Variants in DSCAM observed in about 807,000 individuals in gnomAD.
The protein encoded by DSCAM is cell adhesion molecule DSCAM.
DSCAM carries 47 observed loss-of-function variants against 217.7 expected under a neutral mutation model. That is an observed-to-expected ratio of 0.22 (90% CI 0.17 to 0.28). DSCAM has a LOEUF of 0.28. Among genes scored for constraint, DSCAM ranks in the 10% least tolerant of loss-of-function variants. The pLI, the probability that DSCAM is intolerant of heterozygous loss-of-function variation, is 1.00. For synonymous variants in DSCAM, 1,056 were observed against 1,015.3 expected (o/e 1.04, Z -0.76); for missense variants, 2,080 against 2,618.3 (o/e 0.79, Z 4.49).
chr21:40,038,207 A>C (rs1446210959), intron 32 of DSCAM, among the ~76,000 whole-genome samples: 1 of 135,602 alleles, frequency 7.4e-6, no homozygotes, highest in Non-Finnish European at 1.6e-5. Flanking sequence ...CAGCAAAAGA[A>C]ACTACCATCA....
At chr21:40,348,307 A>G (rs2074585911) in intron 5 of DSCAM, among the ~76,000 whole-genome samples, 2 of 144,318 alleles carry the variant, frequency 1.4e-5, no homozygotes, top group Non-Finnish European at 3.1e-5. Context: ...CCTATCAGCC[A>G]CATTATTGCA....
chr21:40,200,729 T>C (rs1254352766), intron 11 of DSCAM, among the ~76,000 whole-genome samples: 2 of 152,220 alleles, frequency 1.3e-5, no homozygotes, highest in African/African-American at 2.4e-5. Flanking sequence ...TCTCTGCCTC[T>C]CAGTTTCATC....
intron 10 of DSCAM, among the ~76,000 whole-genome samples, chr21:40,282,719 C>T (rs1404042348): frequency 6.6e-6 from 1 of 150,746 alleles, no homozygotes; most frequent in Non-Finnish European, 1.5e-5. Flanking sequence ...ACATGAATAT[C>T]CATGTCAACA....
chr21:40,339,230 C>T lies in DSCAM; in HGVS notation c.1396G>A (p.Val466Ile), dbSNP rs1385609009. ...GAGCTGGAGATGTTCAGGTAGCTGA[C>T]CACGTTCCCCTCCGACGTGATCATC... ...SQMITSEGNV[V>I]SYLNISSSQV... The change falls in exon 7 of 33, where the codon GTC (valine) becomes ATC (isoleucine). Residue 466 changes from valine (V) to isoleucine (I), a missense_variant. By Grantham distance (29) the Val-to-Ile change is conservative (BLOSUM62 3). Around this residue, in one of 5 missense-constraint regions of DSCAM, gnomAD observed 568 missense variants for 678.1 expected, o/e 0.84. Transcript: ENST00000400454. 6.2e-7 allele frequency: 1 copy of T among 1,614,190 alleles called. No homozygotes were observed. Among genetic ancestry groups the T allele is most frequent in the South Asian group, 1.1e-5 (1 of 91,080 alleles).
intron 22 of DSCAM, among the ~76,000 whole-genome samples, chr21:40,086,951 G>A (rs779866545): frequency 5.9e-5 from 9 of 152,138 alleles, no homozygotes; most frequent in Non-Finnish European, 7.4e-5. Context: ...TGAACTAGAA[G>A]GCTCTGAATT....
At chr21:40,452,393 G>C (rs1336023807) in intron 3 of DSCAM, among the ~76,000 whole-genome samples, 1 of 151,992 alleles carries the variant, frequency 6.6e-6, no homozygotes, top group East Asian at 1.9e-4. Flanking sequence ...TTCAGGAAAC[G>C]TGTGCATCGG....
chr21:40,040,506 A>G (rs1231614804), intron 32 of DSCAM, among the ~76,000 whole-genome samples: 4 of 152,236 alleles, frequency 2.6e-5, no homozygotes, highest in Non-Finnish European at 4.4e-5. Context: ...CTCAGGTGGA[A>G]ACATAAAGTA....
intron 1 of DSCAM, among the ~76,000 whole-genome samples, chr21:40,821,990 G>A (rs1219119153): frequency 1.3e-5 from 2 of 150,794 alleles, no homozygotes; most frequent in African/African-American, 4.9e-5. Flanking sequence ...TAACAAATCT[G>A]CGCATGTATC....
At chr21:40,577,178 C>A (rs929789157) in intron 3 of DSCAM, among the ~76,000 whole-genome samples, 1 of 149,882 alleles carries the variant, frequency 6.7e-6, no homozygotes, top group Non-Finnish European at 1.5e-5. Context: ...ATTATATATT[C>A]ATTCACCATC....
intron 30 of DSCAM, among the ~76,000 whole-genome samples, chr21:40,050,626 G>A (rs1379643659): frequency 2.0e-5 from 3 of 152,082 alleles, no homozygotes; most frequent in Admixed American, 2.0e-4. Flanking sequence ...GGGACTACAG[G>A]TGCCCGCCAC....
At chr21:40,253,188 G>A (rs555248246) in intron 11 of DSCAM, among the ~76,000 whole-genome samples, 1 of 152,232 alleles carries the variant, frequency 6.6e-6, no homozygotes, top group East Asian at 1.9e-4. Flanking sequence ...CACAGTGAGG[G>A]AATTCTGTAG....
chr21:40,284,819 C>T (rs750090655), intron 10 of DSCAM, among the ~76,000 whole-genome samples: 3 of 152,182 alleles, frequency 2.0e-5, no homozygotes, highest in Non-Finnish European at 2.9e-5. Context: ...GGTGTGACAC[C>T]GTCCAGGTTA....
At chr21:40,395,813 T>C (rs1047089553) in intron 3 of DSCAM, among the ~76,000 whole-genome samples, 9 of 152,308 alleles carry the variant, frequency 5.9e-5, no homozygotes, top group Non-Finnish European at 7.4e-5. Flanking sequence ...AGGGAATGGA[T>C]TGGGGAGAAA....
At chr21:40,782,563 A>G (rs994897538) in intron 1 of DSCAM, among the ~76,000 whole-genome samples, 3 of 152,096 alleles carry the variant, frequency 2.0e-5, no homozygotes, top group African/African-American at 7.2e-5. Flanking sequence ...TCCCATCTCT[A>G]CAAAGAATGC....
chr21:40,694,686 C>A (rs1306353142), intron 2 of DSCAM, among the ~76,000 whole-genome samples: 1 of 151,852 alleles, frequency 6.6e-6, no homozygotes, highest in Non-Finnish European at 1.5e-5. Flanking sequence ...AAGGTCCAGG[C>A]AGCAACTCCA....
At chr21:40,777,111 G>T (rs556385077) in intron 1 of DSCAM, among the ~76,000 whole-genome samples, 2 of 152,018 alleles carry the variant, frequency 1.3e-5, no homozygotes, top group Non-Finnish European at 1.5e-5. Flanking sequence ...GCACTGGCAG[G>T]TTCAGTGTCT....
At chr21:40,823,586 A>G (rs1337920733) in intron 1 of DSCAM, among the ~76,000 whole-genome samples, 1 of 152,184 alleles carries the variant, frequency 6.6e-6, no homozygotes, top group African/African-American at 2.4e-5. Context: ...GTTACTAAAA[A>G]CCCAAATAGC....
chr21:40,490,210 G>A lies in DSCAM; in HGVS notation c.509-120965C>T, dbSNP rs372856495. ...CCCCATGATTCAATTACCTCCTGCC[G>A]GGCCCCTCCCATGACACGTGGGAAT... is the stretch of plus-strand genomic sequence containing the variant. On this transcript the variant is annotated intron_variant, in intron 3 of 32. Transcript: ENST00000400454. Among the ~76,000 whole-genome samples, 89 of 152,232 alleles carry A rather than the reference G, an allele frequency of 5.8e-4. 1 individual carries two copies. The highest frequency in any genetic ancestry group is 2.0e-3 in the African/African-American group (85 of 41,536).
At chr21:40,452,528 CTT>C (rs1315117994) in intron 3 of DSCAM, among the ~76,000 whole-genome samples, 8 of 152,042 alleles carry the variant, frequency 5.3e-5, no homozygotes, top group Non-Finnish European at 1.0e-4. Flanking sequence ...ACTCTAATAA[CTT>C]ATTAGCATTA....
Sources: gnomAD v4.1 joint callset for allele counts (sites outside exome capture counted in the v4.1 genomes callset) on GRCh38, gnomAD v4.1.1 for gene constraint, gnomAD v4.1.1 regional missense constraint, MANE v1.5 for transcripts, NCBI Gene and HGNC (gene_info 2026-07-23, HGNC 2026-07-21) for gene names.